Variants in ADAMTSL3 observed in about 807,000 individuals in gnomAD.
The protein encoded by ADAMTSL3 is ADAMTS like 3.
Under a neutral mutation model 201.7 loss-of-function variants are expected in ADAMTSL3, and 128 were observed. The ratio of observed to expected loss-of-function variants is 0.63; its 90% CI spans 0.55 to 0.73. The LOEUF is 0.73. Ranked by LOEUF, ADAMTSL3 falls within the 30% of genes least tolerant of loss-of-function variation. The pLI is 0.00. For missense variants in ADAMTSL3, 1,990 were observed against 2,119.6 expected, an observed-to-expected ratio of 0.94 and a Z score of 1.20; for synonymous variants, 738 against 748.4, an observed-to-expected ratio of 0.99 and a Z score of 0.23.
intron 7 of ADAMTSL3, among the ~76,000 whole-genome samples, chr15:83,839,190 A>T (rs2064329438): frequency 6.6e-6 from 1 of 152,138 alleles, no homozygotes; most frequent in African/African-American, 2.4e-5. Context: ...TTTGATTTTA[A>T]ATCTTTTATT....
chr15:83,809,532 C>G (rs1334586813), intron 5 of ADAMTSL3, among the ~76,000 whole-genome samples: 1 of 152,210 alleles, frequency 6.6e-6, no homozygotes, highest in Non-Finnish European at 1.5e-5. Flanking sequence ...CTTCCCTCTG[C>G]TGTATTGCCC....
intron 5 of ADAMTSL3, among the ~76,000 whole-genome samples, chr15:83,809,531 G>T (rs1221125056): frequency 3.3e-5 from 5 of 152,148 alleles, no homozygotes; most frequent in Non-Finnish European, 7.3e-5. Flanking sequence ...CCTTCCCTCT[G>T]CTGTATTGCC....
chr15:83,769,787 T>C (rs1342371187), intron 3 of ADAMTSL3, among the ~76,000 whole-genome samples: 1 of 140,138 alleles, frequency 7.1e-6, no homozygotes, highest in Admixed American at 7.2e-5. Context: ...TTAATTTTTC[T>C]TTTTTTTTTT....
rs575631735 is a variant in ADAMTSL3 at position 83,681,593 on chromosome 15, A to G, written c.70-22796A>G. 7.9e-5 allele frequency among the ~76,000 whole-genome samples: 12 copies of G among 152,340 alleles called. 1 individual carries two copies. In the East Asian group the frequency reaches 2.3e-3, roughly 29 times the overall value. ...CTAGACATATCAATAGTTCTGGTTG[A>G]CATTTCTCTGATTGGTTAGTGCCTG... is the stretch of plus-strand genomic sequence containing the variant. On this transcript the variant is annotated intron_variant, in intron 2 of 29. Transcript: ENST00000286744.
chr15:83,966,723 C>A lies in ADAMTSL3; in HGVS notation c.2491-3761C>A, dbSNP rs571532590. ...ATACCAAAACCTGGCAGAAACACAACAAAAAAAAAGAAAATTTCAGGCCAA... is the reference window on the plus strand; with the variant it reads ...ATACCAAAACCTGGCAGAAACACAAAAAAAAAAAAGAAAATTTCAGGCCAA... On this transcript the variant is annotated intron_variant, in intron 19 of 29. Transcript: ENST00000286744. 1.0e-3 allele frequency among the ~76,000 whole-genome samples: 158 copies of A among 150,578 alleles called. 2 individuals are homozygous for A. The highest frequency in any genetic ancestry group is 3.6e-3 in the African/African-American group (149 of 41,096).
chr15:83,716,345 AC>A (rs1222426685), intron 3 of ADAMTSL3, among the ~76,000 whole-genome samples: 21 of 24,054 alleles, frequency 8.7e-4, no homozygotes, highest in African/African-American at 5.7e-3. Context: ...TCTACTAAAA[AC>A]ACACACACAC....
chr15:83,701,101 T>C (rs1451917480), intron 2 of ADAMTSL3, among the ~76,000 whole-genome samples: 1 of 152,130 alleles, frequency 6.6e-6, no homozygotes, highest in Admixed American at 6.5e-5. Context: ...CAGAGAGCAA[T>C]TTTCTTAGAG....
intron 2 of ADAMTSL3, among the ~76,000 whole-genome samples, chr15:83,672,632 G>T (rs1263262436): frequency 6.6e-6 from 1 of 152,190 alleles, no homozygotes; most frequent in Non-Finnish European, 1.5e-5. Context: ...GAGAAAAGAG[G>T]TGTGGGATGG....
At chr15:83,826,613 A>G (rs886198265) in intron 6 of ADAMTSL3, among the ~76,000 whole-genome samples, 1 of 150,666 alleles carries the variant, frequency 6.6e-6, no homozygotes, top group South Asian at 2.1e-4. Flanking sequence ...TGCACCCATT[A>G]ACTCGTCATT....
intron 20 of ADAMTSL3, among the ~76,000 whole-genome samples, chr15:83,974,919 C>T (rs2142138484): frequency 6.6e-6 from 1 of 151,930 alleles, no homozygotes; most frequent in East Asian, 1.9e-4. Flanking sequence ...TGCCTCAGCC[C>T]CTTCCCAGGG....
At chr15:83,757,282 C>G (rs1424120846) in intron 3 of ADAMTSL3, among the ~76,000 whole-genome samples, 2 of 152,256 alleles carry the variant, frequency 1.3e-5, no homozygotes, top group Non-Finnish European at 2.9e-5. Flanking sequence ...TCCATACATC[C>G]TCTGAAATCT....
chr15:83,794,695 T>TG (rs2063396360), intron 4 of ADAMTSL3, among the ~76,000 whole-genome samples: 1 of 152,060 alleles, frequency 6.6e-6, no homozygotes. Context: ...AAAGGCAACT[T>TG]GCAGGATTCT....
chr15:83,768,711 A>G (rs953172991), intron 3 of ADAMTSL3, among the ~76,000 whole-genome samples: 1 of 152,170 alleles, frequency 6.6e-6, no homozygotes, highest in Non-Finnish European at 1.5e-5. Context: ...AGACGACGCA[A>G]ACATACATTT....
chr15:83,772,413 A>C (rs2062999281), intron 3 of ADAMTSL3, among the ~76,000 whole-genome samples: 2 of 152,204 alleles, frequency 1.3e-5, no homozygotes, highest in Admixed American at 6.5e-5. Flanking sequence ...GTCTATACCT[A>C]CATCTATGTA....
intron 6 of ADAMTSL3, among the ~76,000 whole-genome samples, chr15:83,830,433 A>G (rs748589957): frequency 6.6e-6 from 1 of 152,178 alleles, no homozygotes; most frequent in African/African-American, 2.4e-5. Flanking sequence ...GAGACCATGA[A>G]AAACGGAAGA....
intron 2 of ADAMTSL3, among the ~76,000 whole-genome samples, chr15:83,679,404 A>G (rs1184367839): frequency 6.6e-6 from 1 of 152,096 alleles, no homozygotes; most frequent in African/African-American, 2.4e-5. Flanking sequence ...TGATTTTTAA[A>G]TTATATCCTA....
chr15:83,906,492 G>A (rs1222437543), intron 15 of ADAMTSL3, among the ~76,000 whole-genome samples: 1 of 152,002 alleles, frequency 6.6e-6, no homozygotes, highest in Non-Finnish European at 1.5e-5. Context: ...AGGTCATGGC[G>A]AGAATTATAT....
chr15:83,714,663 TCCTCCCTC>T (rs552621265), intron 3 of ADAMTSL3, among the ~76,000 whole-genome samples: 1 of 148,226 alleles, frequency 6.7e-6, no homozygotes, highest in Non-Finnish European at 1.5e-5. Flanking sequence ...CTCTCTCCCT[TCCTCCCTC>T]CCTCCCTCCC....
At chr15:83,843,875 A>C (rs1036061867) in intron 7 of ADAMTSL3, among the ~76,000 whole-genome samples, 3 of 152,218 alleles carry the variant, frequency 2.0e-5, no homozygotes, top group African/African-American at 7.2e-5. Flanking sequence ...TACAACATAC[A>C]GATTTCCTGT....
Sources: gnomAD v4.1 joint callset for allele counts (sites outside exome capture counted in the v4.1 genomes callset) on GRCh38, gnomAD v4.1.1 for gene constraint, MANE v1.5 for transcripts, NCBI Gene and HGNC (gene_info 2026-07-23, HGNC 2026-07-21) for gene names.